The following CRBN variants were observed in gnomAD, a reference collection of about 807,000 sequenced individuals.
The protein encoded by CRBN is protein cereblon.
In CRBN, 53 loss-of-function variants were observed where a neutral mutation model predicts 62.2. The observed-to-expected ratio is 0.85, with a 90% confidence interval of 0.68 to 1.07. The LOEUF is 1.07. Among genes scored for constraint, CRBN ranks in the 50% least tolerant of loss-of-function variants. CRBN has a pLI of 0.00. For synonymous variants in CRBN, 208 were observed against 176.1 expected (o/e 1.18, Z -1.43); for missense variants, 616 against 531.1 (o/e 1.16, Z -1.57).
intron 5 of CRBN, among the ~76,000 whole-genome samples, chr3:3,162,727 G>A (rs1363841748): frequency 2.0e-5 from 3 of 152,138 alleles, no homozygotes; most frequent in Non-Finnish European, 2.9e-5. Context: ...AAAAGTGCGC[G>A]GCAACCTTAT....
At chr3:3,151,992 A>G (rs1669342) in intron 10 of CRBN, among the ~76,000 whole-genome samples, 107,850 of 152,040 alleles carry the variant, frequency 0.71, 39,781 homozygotes, top group Middle Eastern at 0.86. Flanking sequence ...TCAGAATTAC[A>G]TGACTGACAG....
chr3:3,173,804 A>G (rs923908982), intron 3 of CRBN: 3 of 507,544 alleles, frequency 5.9e-6, no homozygotes, highest in Non-Finnish European at 1.1e-5. Flanking sequence ...ATCAAATATA[A>G]ATGATTAAAA....
intron 7 of CRBN, 77 bp from the exon 8 acceptor site, chr3:3,154,152 C>G (rs1403863615): frequency 2.4e-6 from 2 of 845,284 alleles, no homozygotes; most frequent in African/African-American, 3.3e-5. Flanking sequence ...GGATAATATC[C>G]TTTTGAAATA....
chr3:3,151,528 G>A lies in CRBN; in HGVS notation c.1149-483C>T, dbSNP rs75880442. ...TATTCTAAAATAAGAACGATTGTCAGATAATGCAACCAGAAATACAAACCA... is the reference window on the plus strand; with the variant it reads ...TATTCTAAAATAAGAACGATTGTCAAATAATGCAACCAGAAATACAAACCA... On this transcript the variant is annotated intron_variant, in intron 10 of 10. Coordinates refer to ENST00000231948, the MANE Select transcript of CRBN (RefSeq NM_016302.4). Among the ~76,000 whole-genome samples the A allele has an allele frequency of 5.4e-4, 82 of 152,324 alleles. 1 individual carries two copies. The East Asian group carries it at 0.015, about 28-fold the overall frequency.
intron 5 of CRBN, among the ~76,000 whole-genome samples, chr3:3,161,373 T>C (rs1000042317): frequency 5.3e-5 from 8 of 152,206 alleles, no homozygotes; most frequent in Non-Finnish European, 1.0e-4. Flanking sequence ...ATATTTCACT[T>C]ATCAGATCAG....
At chr3:3,174,584 T>C (rs1161179353) in intron 2 of CRBN, among the ~76,000 whole-genome samples, 1 of 152,094 alleles carries the variant, frequency 6.6e-6, no homozygotes, top group East Asian at 1.9e-4. Flanking sequence ...GAGGCTGCAG[T>C]GAGCTGAGAT....
intron 1 of CRBN, 101 bp downstream of exon 1, chr3:3,179,520 G>T: frequency 8.3e-7 from 1 of 1,207,900 alleles, no homozygotes; most frequent in Non-Finnish European, 1.2e-6. Flanking sequence ...TGGCTCGCCA[G>T]GCTTGGCGCC....
At chr3:3,151,232 A>G (rs1559238802) in intron 10 of CRBN, among the ~76,000 whole-genome samples, 187 bp from the exon 11 acceptor site, 2 of 152,226 alleles carry the variant, frequency 1.3e-5, no homozygotes, top group East Asian at 3.8e-4. Flanking sequence ...ATTTTGTAAT[A>G]TGTATGACTT....
chr3:3,154,601 C>T, intron 7 of CRBN, 146 bp downstream of exon 7: 1 of 628,918 alleles, frequency 1.6e-6, no homozygotes. Context: ...TTTTTTTCAA[C>T]TGCTCAAAGG....
chr3:3,161,577 C>T (rs1368839325), intron 5 of CRBN, among the ~76,000 whole-genome samples: 6 of 152,134 alleles, frequency 3.9e-5, no homozygotes, highest in Admixed American at 1.3e-4. Flanking sequence ...TTAGTAGAGA[C>T]GGGGTTTCAC....
At position 3,174,203 on chromosome 3, in the gene CRBN, C is replaced by A; in HGVS notation, c.233G>T (p.Cys78Phe). The change falls in exon 3 of 11, where the codon TGT becomes TTT. Residue 78 changes from cysteine to phenylalanine, a missense_variant. Coordinates refer to ENST00000231948, the MANE Select transcript of CRBN (RefSeq NM_016302.4). ...HGRTLHDDDS[C>F]QVIPVLPQVM... The stretch of plus-strand genomic sequence containing the variant: ...TTGTGGAAGAACTGGAATCACCTGA[C>A]AGCTGTCGTCATCGTGCAAAGTCCT... 6.2e-7 allele frequency: 1 copy of A among 1,614,216 alleles called. No homozygotes were observed.
chr3:3,170,557 C>G (rs1208314063), intron 4 of CRBN, among the ~76,000 whole-genome samples: 1 of 152,086 alleles, frequency 6.6e-6, no homozygotes, highest in Non-Finnish European at 1.5e-5. Flanking sequence ...CTCTCTAGTA[C>G]CTGGCATTCT....
chr3:3,163,279 AG>A (rs368818353), intron 5 of CRBN, among the ~76,000 whole-genome samples: 2 of 152,338 alleles, frequency 1.3e-5, no homozygotes, highest in South Asian at 2.1e-4. Context: ...AAAACCTTTT[AG>A]GCCTTCTCAT....
chr3:3,162,951 C>G (rs1707197510), intron 5 of CRBN, among the ~76,000 whole-genome samples: 1 of 152,190 alleles, frequency 6.6e-6, no homozygotes, highest in Non-Finnish European at 1.5e-5. Context: ...TCATGGTAAG[C>G]TAGCGTCCCA....
At chr3:3,170,324 G>C (rs977934787) in intron 4 of CRBN, among the ~76,000 whole-genome samples, 1 of 152,174 alleles carries the variant, frequency 6.6e-6, no homozygotes, top group African/African-American at 2.4e-5. Context: ...TTAGGTAAAA[G>C]ATGGATATTT....
In CRBN at chr3:3,150,909, T is replaced by C. The variant is rs775690207; in HGVS notation, c.1285A>G (p.Thr429Ala). The change falls in exon 11 of 11, where the codon ACT (threonine) becomes GCT (alanine). Residue 429 changes from threonine to alanine, a missense_variant. Physicochemically the swap from Thr to Ala is moderately conservative, Grantham distance 58. Transcript: ENST00000231948. ...TTGTCTGGACTTATTTCATCTTCAG[T>C]GTCTGGGATCGTGGGCAACAGAGCA... ...RSALLPTIPD[T>A]EDEISPDKVI... 37 of 1,614,026 alleles carry C rather than the reference T, an allele frequency of 2.3e-5. No individual in the cohort carries two copies. The highest frequency in any genetic ancestry group is 3.1e-5 in the Non-Finnish European group (37 of 1,179,944).
intron 4 of CRBN, among the ~76,000 whole-genome samples, chr3:3,170,201 G>A (rs1273828972): frequency 1.3e-5 from 2 of 152,264 alleles, no homozygotes; most frequent in Middle Eastern, 3.4e-3. Flanking sequence ...AGCTGGTCTT[G>A]AACTGCTGGC....
chr3:3,152,306 C>A, intron 10 of CRBN, 150 bp downstream of exon 10: 1 of 810,476 alleles, frequency 1.2e-6, no homozygotes, highest in South Asian at 1.7e-5. Context: ...ACCCCTGCCC[C>A]CATACCCGGC....
chr3:3,150,608 T>C lies in CRBN; in HGVS notation c.*257A>G. On this transcript the variant is annotated 3_prime_UTR_variant, in exon 11 of 11. Coordinates refer to ENST00000231948, the MANE Select transcript of CRBN (RefSeq NM_016302.4). The stretch of plus-strand genomic sequence containing the variant: ...ATGACATGCTACCAGACATATCAGA[T>C]TCCACAGGATAATGGCACCAAGCTA... The C allele has an allele frequency of 2.5e-6, 1 of 392,184 alleles. No homozygotes were observed. Among genetic ancestry groups the C allele is most frequent in the South Asian group, 2.6e-5 (1 of 39,124 alleles). 24.3% of individuals were successfully genotyped at this position (392,184 alleles called of 1,614,324 possible).
Sources: gnomAD v4.1 joint callset for allele counts (sites outside exome capture counted in the v4.1 genomes callset) on GRCh38, gnomAD v4.1.1 for gene constraint, MANE v1.5 for transcripts, NCBI Gene and HGNC (gene_info 2026-07-23, HGNC 2026-07-21) for gene names.